PRKCB: variants seen among roughly 807,000 people sequenced by gnomAD.
PRKCB encodes protein kinase C beta type.
A neutral mutation model predicts 81.5 loss-of-function variants in PRKCB; 13 were observed. That is an observed-to-expected ratio of 0.16 (90% CI 0.10 to 0.25). The LOEUF (loss-of-function observed/expected upper bound fraction) is 0.25, where lower values mean the gene tolerates loss of function less well. Among genes scored for constraint, PRKCB ranks in the 10% least tolerant of loss-of-function variants. The probability of loss-of-function intolerance (pLI) is 1.00; values close to 1 mark genes in which losing one functional copy is unlikely to be tolerated. For missense variants in PRKCB, 509 were observed against 875.7 expected (o/e 0.58, Z 5.29); for synonymous variants, 335 against 321.4 (o/e 1.04, Z -0.45).
At chr16:24,168,850 A>G (rs1469682334) in intron 10 of PRKCB, among the ~76,000 whole-genome samples, 1 of 150,432 alleles carries the variant, frequency 6.6e-6, no homozygotes, top group Non-Finnish European at 1.5e-5. Context: ...GCCAGCCACC[A>G]TGCCTGACCT....
chr16:24,148,104 C>T (rs572157720), intron 9 of PRKCB, among the ~76,000 whole-genome samples: 1 of 152,138 alleles, frequency 6.6e-6, no homozygotes, highest in African/African-American at 2.4e-5. Context: ...TGCTCATATC[C>T]TTATAGGAAT....
At chr16:23,962,221 G>T (rs1386583283) in intron 2 of PRKCB, among the ~76,000 whole-genome samples, 1 of 151,982 alleles carries the variant, frequency 6.6e-6, no homozygotes, top group East Asian at 1.9e-4. Flanking sequence ...CCATTTGGTG[G>T]TGCCATGCAG....
intron 5 of PRKCB, among the ~76,000 whole-genome samples, chr16:24,089,789 T>TCTCTCTCACA (rs71381638): frequency 6.0e-5 from 9 of 149,994 alleles, no homozygotes; most frequent in African/African-American, 1.5e-4. Flanking sequence ...TCTCTCTCTC[T>TCTCTCTCACA]CACACACACA....
chr16:23,960,003 G>C (rs1468300233), intron 2 of PRKCB, among the ~76,000 whole-genome samples: 1 of 152,128 alleles, frequency 6.6e-6, no homozygotes, highest in Non-Finnish European at 1.5e-5. Flanking sequence ...AACTGCAGCT[G>C]TTCACCTGAG....
chr16:24,121,915 T>G (rs1278539596), intron 8 of PRKCB, among the ~76,000 whole-genome samples: 1 of 152,204 alleles, frequency 6.6e-6, no homozygotes, highest in African/African-American at 2.4e-5. Context: ...AATCACCAAA[T>G]GCAAATTAAG....
At chr16:23,885,611 C>A (rs1420137337) in intron 2 of PRKCB, among the ~76,000 whole-genome samples, 2 of 152,216 alleles carry the variant, frequency 1.3e-5, no homozygotes, top group Admixed American at 1.3e-4. Flanking sequence ...CTGGCCTATC[C>A]ACAGCTGGTT....
chr16:23,925,967 C>G (rs944718747), intron 2 of PRKCB, among the ~76,000 whole-genome samples: 2 of 151,392 alleles, frequency 1.3e-5, no homozygotes, highest in Non-Finnish European at 2.9e-5. Context: ...GGGTTCCATC[C>G]TGTTGCTGCA....
intron 2 of PRKCB, among the ~76,000 whole-genome samples, chr16:23,907,943 C>T (rs530981716): frequency 6.6e-6 from 1 of 152,260 alleles, no homozygotes; most frequent in South Asian, 2.1e-4. Flanking sequence ...AACAGCATAT[C>T]GGTTTATTGT....
At chr16:24,137,377 T>A (rs911145867) in intron 9 of PRKCB, among the ~76,000 whole-genome samples, 3 of 151,352 alleles carry the variant, frequency 2.0e-5, no homozygotes, top group African/African-American at 7.3e-5. Flanking sequence ...TTTCTAGAGA[T>A]GGGATCTCAT....
rs544207956 is a variant in PRKCB, at chr16:23,929,469, A to G, written c.206-59039A>G. 4.6e-5 allele frequency among the ~76,000 whole-genome samples: 7 copies of G among 152,228 alleles called. No homozygotes were observed. In the South Asian group the frequency reaches 6.2e-4, roughly 14 times the overall value. On this transcript the variant is annotated intron_variant, in intron 2 of 16. Transcript: ENST00000643927. ...GCCTCAGTTTTCTCATCTGTCAAAT[A>G]GGAGTGAAATACCTCATAGAGGGTT...
chr16:24,179,066 A>G (rs1567403548), intron 12 of PRKCB, among the ~76,000 whole-genome samples: 1 of 152,208 alleles, frequency 6.6e-6, no homozygotes, highest in Non-Finnish European at 1.5e-5. Flanking sequence ...CTAGACTTCC[A>G]TAATACCACC....
intron 10 of PRKCB, among the ~76,000 whole-genome samples, chr16:24,166,261 T>C (rs1305321145): frequency 1.3e-5 from 2 of 152,156 alleles, no homozygotes; most frequent in African/African-American, 4.8e-5. Flanking sequence ...TTTAAAATAA[T>C]TGTGTGTAAG....
chr16:24,069,459 G>A (rs895651166), intron 5 of PRKCB, among the ~76,000 whole-genome samples: 2 of 152,162 alleles, frequency 1.3e-5, no homozygotes, highest in Non-Finnish European at 2.9e-5. Context: ...AACAGTGCCT[G>A]GGTCTGAGCG....
intron 12 of PRKCB, among the ~76,000 whole-genome samples, chr16:24,175,587 T>C (rs1477338481): frequency 1.3e-5 from 2 of 151,714 alleles, no homozygotes; most frequent in Non-Finnish European, 2.9e-5. Flanking sequence ...TCTCTCTCAT[T>C]CTGTAGAGAG....
chr16:23,961,493 T>C (rs1403915940), intron 2 of PRKCB, among the ~76,000 whole-genome samples: 1 of 152,204 alleles, frequency 6.6e-6, no homozygotes, highest in Non-Finnish European at 1.5e-5. Context: ...TCCAATCTTA[T>C]CTTCATCAAT....
At chr16:23,995,839 G>A (rs1964948525) in intron 3 of PRKCB, among the ~76,000 whole-genome samples, 3 of 152,234 alleles carry the variant, frequency 2.0e-5, no homozygotes, top group Admixed American at 6.5e-5. Flanking sequence ...GACAAAGGAA[G>A]AGCAGACTAG....
chr16:24,090,799 G>T (rs1333913840), intron 5 of PRKCB, among the ~76,000 whole-genome samples: 1 of 152,150 alleles, frequency 6.6e-6, no homozygotes, highest in Non-Finnish European at 1.5e-5. Flanking sequence ...GGGATAATAG[G>T]CTCCAGAGCG....
At chr16:24,035,069 C>T (rs1965596403) in intron 4 of PRKCB, among the ~76,000 whole-genome samples, 4 of 152,324 alleles carry the variant, frequency 2.6e-5, no homozygotes, top group South Asian at 4.1e-4. Flanking sequence ...CCTGCCACCC[C>T]CTTAGCTTTC....
chr16:24,162,352 G>A (rs750976648), intron 10 of PRKCB, among the ~76,000 whole-genome samples: 1 of 151,478 alleles, frequency 6.6e-6, no homozygotes, highest in African/African-American at 2.4e-5. Context: ...TGTTGTCTCA[G>A]TCAGCAGTGA....
Sources: gnomAD v4.1 joint callset for allele counts (sites outside exome capture counted in the v4.1 genomes callset) on GRCh38, gnomAD v4.1.1 for gene constraint, MANE v1.5 for transcripts, NCBI Gene and HGNC (gene_info 2026-07-23, HGNC 2026-07-21) for gene names.